Variants in GRM7 observed in about 807,000 individuals in gnomAD.
GRM7 encodes metabotropic glutamate receptor 7.
A neutral mutation model predicts 84.5 loss-of-function variants in GRM7; 35 were observed. The observed-to-expected ratio is 0.41, with a 90% CI of 0.32 to 0.55. The LOEUF is 0.55. Among genes scored for constraint, GRM7 ranks in the 20% least tolerant of loss-of-function variants. The pLI is 0.19. For synonymous variants in GRM7, 487 were observed against 455.1 expected, an observed-to-expected ratio of 1.07 and a Z score of -0.89; for missense variants, 1,003 against 1,194.6, an observed-to-expected ratio of 0.84 and a Z score of 2.36.
chr3:6,920,680 G>A (rs903076068), intron 1 of GRM7, among the ~76,000 whole-genome samples: 3 of 152,122 alleles, frequency 2.0e-5, no homozygotes, highest in Admixed American at 6.6e-5. Context: ...TAAATCCCCA[G>A]CCTGTTTTCA....
At chr3:7,201,506 A>G (rs1451436545) in intron 2 of GRM7, among the ~76,000 whole-genome samples, 2 of 152,162 alleles carry the variant, frequency 1.3e-5, no homozygotes, top group Non-Finnish European at 2.9e-5. Flanking sequence ...TACATCCTCT[A>G]TAGAGGCCAC....
intron 2 of GRM7, among the ~76,000 whole-genome samples, chr3:7,187,186 C>T (rs982341542): frequency 2.1e-5 from 3 of 140,640 alleles, no homozygotes; most frequent in African/African-American, 3.0e-5. Context: ...GCCCATGCTA[C>T]TGCAGGAAGT....
rs1698253482 is a variant in GRM7 at position 7,461,674 on chromosome 3, C to A, written c.1467C>A (p.Asn489Lys). The A allele has an allele frequency of 6.2e-7, 1 of 1,613,784 alleles. No individual in the cohort carries two copies. Among genetic ancestry groups the A allele is most frequent in the South Asian group, 1.1e-5 (1 of 91,086 alleles). The change falls in exon 7 of 10, where the codon AAC becomes AAA. Residue 489 changes from asparagine (N) to lysine (K), a missense_variant. By Grantham distance (94) the Asn-to-Lys change is moderately conservative. This residue lies in a region of GRM7 where 910 missense variants were observed against 1,126.0 expected (regional missense o/e 0.81). Transcript: ENST00000357716. ...IFQYQTTNTS[N>K]PGYRLIGQWT... ...AGTACCAGACCACAAACACCAGCAACCCGGGTTACCGTCTGATCGGGCAGT... is the reference window on the plus strand; with the variant it reads ...AGTACCAGACCACAAACACCAGCAAACCGGGTTACCGTCTGATCGGGCAGT...
chr3:7,099,354 G>GTA (rs1698983900), intron 1 of GRM7, among the ~76,000 whole-genome samples: 1 of 145,116 alleles, frequency 6.9e-6, no homozygotes, highest in South Asian at 2.1e-4. Flanking sequence ...ATGTATATAT[G>GTA]TACACATGTA....
intron 5 of GRM7, among the ~76,000 whole-genome samples, chr3:7,438,130 G>A (rs1697135281): frequency 1.3e-5 from 2 of 152,056 alleles, no homozygotes; most frequent in Non-Finnish European, 2.9e-5. Context: ...AATCAGGGGA[G>A]TGGCATGGCC....
chr3:7,710,085 T>A (rs1701528050), intron 9 of GRM7, among the ~76,000 whole-genome samples: 1 of 152,148 alleles, frequency 6.6e-6, no homozygotes, highest in Non-Finnish European at 1.5e-5. Flanking sequence ...AGTATGTATA[T>A]TATGTGTGTA....
chr3:7,442,287 T>C (rs187145749), intron 5 of GRM7, among the ~76,000 whole-genome samples: 148 of 152,284 alleles, frequency 9.7e-4, no homozygotes, highest in African/African-American at 3.3e-3. Flanking sequence ...TATTGGTATA[T>C]AGAAATGCTA....
rs146996660 is a variant in GRM7 at position 7,534,787 on chromosome 3, A to G, written c.1516-43635A>G. 6.4e-4 allele frequency among the ~76,000 whole-genome samples: 98 copies of G among 152,304 alleles called. No individual in the cohort carries two copies. In the East Asian group the frequency reaches 0.015, roughly 23 times the overall value. On this transcript the variant is annotated intron_variant, in intron 7 of 9. Transcript: ENST00000357716. ...GACAAGTAAGTAAAAACAGAATGCA[A>G]TATGTGGAAATCCAGGGGTGTCACA...
At chr3:7,537,608 A>G (rs183140268) in intron 7 of GRM7, among the ~76,000 whole-genome samples, 3 of 152,310 alleles carry the variant, frequency 2.0e-5, no homozygotes, top group Non-Finnish European at 4.4e-5. Context: ...TACCAAAACA[A>G]TTGCTACATT....
chr3:7,414,338 A>G (rs555891891), intron 4 of GRM7, among the ~76,000 whole-genome samples: 2 of 152,264 alleles, frequency 1.3e-5, no homozygotes, highest in Admixed American at 6.5e-5. Flanking sequence ...AGAAAATCGT[A>G]TAGGTTAAGT....
intron 1 of GRM7, among the ~76,000 whole-genome samples, chr3:7,000,088 T>C (rs527629983): frequency 1.3e-5 from 2 of 152,162 alleles, no homozygotes; most frequent in South Asian, 4.1e-4. Flanking sequence ...TTTCAAGATT[T>C]GTTCTCTCAT....
At position 7,394,899 on chromosome 3, in the gene GRM7, G is replaced by A. The variant is rs1031298551; in HGVS notation, c.1034-20124G>A. ...CTAAAAATACAAAAATTAGCCAGGCGTGGTGGCGGGCACCCATAATCCCAG... is the reference window on the plus strand; with the variant it reads ...CTAAAAATACAAAAATTAGCCAGGCATGGTGGCGGGCACCCATAATCCCAG... On this transcript the variant is annotated intron_variant, in intron 4 of 9. Coordinates refer to ENST00000357716, the MANE Select transcript of GRM7 (RefSeq NM_000844.4). Among the ~76,000 whole-genome samples the A allele has an allele frequency of 6.6e-5, 10 of 152,010 alleles. No individual in the cohort carries two copies. The East Asian group carries it at 1.4e-3, about 21-fold the overall frequency.
intron 7 of GRM7, among the ~76,000 whole-genome samples, chr3:7,501,913 A>G (rs1438437147): frequency 6.6e-6 from 1 of 152,192 alleles, no homozygotes; most frequent in Non-Finnish European, 1.5e-5. Context: ...GATGTCATAT[A>G]AAACCTGCAG....
intron 2 of GRM7, among the ~76,000 whole-genome samples, chr3:7,213,407 T>C (rs533355668): frequency 6.6e-6 from 1 of 152,246 alleles, no homozygotes; most frequent in South Asian, 2.1e-4. Context: ...GTAAGGCCCT[T>C]GGAGATCACC....
chr3:7,510,430 A>T (rs1700164252), intron 7 of GRM7, among the ~76,000 whole-genome samples: 1 of 152,204 alleles, frequency 6.6e-6, no homozygotes, highest in Non-Finnish European at 1.5e-5. Context: ...AGTGCCTATT[A>T]CAGTCCCCTG....
intron 1 of GRM7, among the ~76,000 whole-genome samples, chr3:6,865,414 T>C (rs1050235237): frequency 1.3e-5 from 2 of 152,162 alleles, no homozygotes; most frequent in African/African-American, 2.4e-5. Flanking sequence ...CTCTCCATTA[T>C]TGACTTGAGA....
chr3:7,585,839 A>G (rs1402221884), intron 8 of GRM7, among the ~76,000 whole-genome samples: 1 of 152,156 alleles, frequency 6.6e-6, no homozygotes, highest in African/African-American at 2.4e-5. Flanking sequence ...AGCACAGGAA[A>G]CCATAACAGA....
chr3:7,443,239 A>AT (rs998718651), intron 5 of GRM7, among the ~76,000 whole-genome samples: 1 of 152,004 alleles, frequency 6.6e-6, no homozygotes, highest in African/African-American at 2.4e-5. Flanking sequence ...CCCTATACAT[A>AT]TTTTTTTCCT....
At chr3:6,991,138 A>G (rs929746154) in intron 1 of GRM7, among the ~76,000 whole-genome samples, 4 of 152,136 alleles carry the variant, frequency 2.6e-5, no homozygotes, top group Non-Finnish European at 5.9e-5. Context: ...CTGCACCCTT[A>G]GTTTACTCCC....
Sources: gnomAD v4.1 joint callset for allele counts (sites outside exome capture counted in the v4.1 genomes callset) on GRCh38, gnomAD v4.1.1 for gene constraint, gnomAD v4.1.1 regional missense constraint, MANE v1.5 for transcripts, NCBI Gene and HGNC (gene_info 2026-07-23, HGNC 2026-07-21) for gene names.